The following ILRUN variants were observed in gnomAD, a reference collection of about 807,000 sequenced individuals.
ILRUN encodes the protein protein ILRUN.
Under a neutral mutation model 33.8 loss-of-function variants are expected in ILRUN, and 3 were observed. The observed-to-expected ratio is 0.09, with a 90% confidence interval of 0.04 to 0.23. The LOEUF (loss-of-function observed/expected upper bound fraction) is 0.23, where lower values mean the gene tolerates loss of function less well. Among genes scored for constraint, ILRUN ranks in the 10% least tolerant of loss-of-function variants. The pLI is 1.00. For missense variants in ILRUN, 210 were observed against 375.1 expected, an observed-to-expected ratio of 0.56 and a Z score of 3.64; for synonymous variants, 124 against 138.9, an observed-to-expected ratio of 0.89 and a Z score of 0.75.
chr6:34,621,300 A>G lies in ILRUN; in HGVS notation c.512-14396T>C, dbSNP rs116831660. Among the ~76,000 whole-genome samples the G allele has an allele frequency of 2.1e-3, 314 of 152,344 alleles. 2 individuals are homozygous for G. The highest frequency in any genetic ancestry group is 7.1e-3 in the African/African-American group (297 of 41,580). The stretch of plus-strand genomic sequence containing the variant: ...CAAGATAAGTCACTGTTGATGAACA[A>G]AAGGATTCCCCCACTTCAAAAGAAT... On this transcript the variant is annotated intron_variant, in intron 3 of 4. Coordinates refer to ENST00000374023, the MANE Select transcript of ILRUN (RefSeq NM_024294.4).
At position 34,638,654 on chromosome 6, in the gene ILRUN, G is replaced by A. The variant is rs1182406216; in HGVS notation, c.511+7947C>T. On this transcript the variant is annotated intron_variant, in intron 3 of 4. Coordinates refer to ENST00000374023, the MANE Select transcript of ILRUN (RefSeq NM_024294.4). ...TAGGAGGTTGAGGCTGTAGTGAGCC[G>A]TGATCACACCACTGCATTCCAGCCT... is the stretch of plus-strand genomic sequence containing the variant. 6.6e-5 allele frequency among the ~76,000 whole-genome samples: 10 copies of A among 151,950 alleles called. No homozygotes were observed. In the South Asian group the frequency reaches 8.3e-4, roughly 13 times the overall value.
chr6:34,626,291 C>T (rs903576819), intron 3 of ILRUN, among the ~76,000 whole-genome samples: 3 of 152,148 alleles, frequency 2.0e-5, no homozygotes, highest in Non-Finnish European at 2.9e-5. Flanking sequence ...CCCACATTTG[C>T]CCGCAAAGTA....
intron 1 of ILRUN, among the ~76,000 whole-genome samples, chr6:34,676,035 A>G (rs941205085): frequency 2.6e-5 from 4 of 152,206 alleles, no homozygotes; most frequent in African/African-American, 9.7e-5. Flanking sequence ...CATCCAATGC[A>G]TCCAGTCAAA....
At chr6:34,688,727 C>T (rs1327935801) in intron 1 of ILRUN, among the ~76,000 whole-genome samples, 1 of 152,010 alleles carries the variant, frequency 6.6e-6, no homozygotes, top group Non-Finnish European at 1.5e-5. Context: ...GTAGGAGAAT[C>T]GCTTGAATCC....
At chr6:34,635,569 G>A (rs6923682) in intron 3 of ILRUN, among the ~76,000 whole-genome samples, 20,501 of 110,102 alleles carry the variant, frequency 0.19, 2,237 homozygotes, top group African/African-American at 0.31. Flanking sequence ...GGAAGGAAGG[G>A]AGGGAGGGAG....
chr6:34,655,333 T>C (rs1008177531), intron 1 of ILRUN, among the ~76,000 whole-genome samples: 1 of 152,150 alleles, frequency 6.6e-6, no homozygotes, highest in African/African-American at 2.4e-5. Flanking sequence ...GAAAATCATG[T>C]TCTCTTTTTT....
chr6:34,595,993 G>A (rs1761392085), intron 4 of ILRUN: 1 of 911,570 alleles, frequency 1.1e-6, no homozygotes, highest in South Asian at 5.1e-5. Context: ...ACTAAGTCCT[G>A]TCCTGATTTA....
chr6:34,654,573 C>T, intron 2 of ILRUN, 52 bp downstream of exon 2: 2 of 1,527,290 alleles, frequency 1.3e-6, no homozygotes, highest in South Asian at 1.2e-5. Context: ...TCTTATTTAA[C>T]TATTAAGAAA....
At chr6:34,643,879 T>G (rs1406412648) in intron 3 of ILRUN, among the ~76,000 whole-genome samples, 1 of 152,176 alleles carries the variant, frequency 6.6e-6, no homozygotes, top group Non-Finnish European at 1.5e-5. Flanking sequence ...TTTTTGTATT[T>G]TTAGTAGAGA....
At chr6:34,619,699 GA>G (rs1228124339) in intron 3 of ILRUN, among the ~76,000 whole-genome samples, 1 of 151,990 alleles carries the variant, frequency 6.6e-6, no homozygotes, top group Non-Finnish European at 1.5e-5. Context: ...CATATTAAGT[GA>G]AAAAAAGTGG....
chr6:34,668,525 C>T (rs572085614), intron 1 of ILRUN, among the ~76,000 whole-genome samples: 4 of 152,114 alleles, frequency 2.6e-5, no homozygotes, highest in Non-Finnish European at 4.4e-5. Context: ...TTTCTTGTTA[C>T]GTGGTGCCAC....
At chr6:34,683,513 T>TATATAC (rs1562033363) in intron 1 of ILRUN, among the ~76,000 whole-genome samples, 26 of 103,030 alleles carry the variant, frequency 2.5e-4, no homozygotes, top group African/African-American at 9.1e-4. Flanking sequence ...TATATATATA[T>TATATAC]ACATATATAT....
chr6:34,684,363 A>C (rs2127387340), intron 1 of ILRUN, among the ~76,000 whole-genome samples: 1 of 152,348 alleles, frequency 6.6e-6, no homozygotes, highest in South Asian at 2.1e-4. Flanking sequence ...TTTTTCCTCA[A>C]TGGAAACACA....
At chr6:34,643,415 C>G (rs892217161) in intron 3 of ILRUN, among the ~76,000 whole-genome samples, 1 of 152,100 alleles carries the variant, frequency 6.6e-6, no homozygotes, top group African/African-American at 2.4e-5. Context: ...TTCCTCTCAT[C>G]AAGCAAAGGC....
chr6:34,623,650 A>C (rs1276530443), intron 3 of ILRUN, among the ~76,000 whole-genome samples: 1 of 152,224 alleles, frequency 6.6e-6, no homozygotes, highest in Non-Finnish European at 1.5e-5. Flanking sequence ...GATATGCAGG[A>C]AATCAAAATG....
chr6:34,615,323 T>C (rs1761862625), intron 3 of ILRUN, among the ~76,000 whole-genome samples: 1 of 152,174 alleles, frequency 6.6e-6, no homozygotes, highest in Non-Finnish European at 1.5e-5. Flanking sequence ...AGGCCAGGCA[T>C]GGTGGCTCAC....
In ILRUN at chr6:34,682,021, C is replaced by CTTTTTTTTTTTTTTTTTTT. The variant is rs1377020252; in HGVS notation, c.158+14424_158+14425insAAAAAAAAAAAAAAAAAAA. On this transcript the variant is annotated intron_variant, in intron 1 of 4. Transcript: ENST00000374023. ...TGCATGCCACCACACCCCACTAATTCTTATATTTTTATTTTTTTACTTTTT... is the reference window on the plus strand; with the variant it reads ...TGCATGCCACCACACCCCACTAATTCTTTTTTTTTTTTTTTTTTTTTATATTTTTATTTTTTTACTTTTT... Among the ~76,000 whole-genome samples, 10 of 130,016 alleles carry CTTTTTTTTTTTTTTTTTTT rather than the reference C, an allele frequency of 7.7e-5. 2 individuals are homozygous for CTTTTTTTTTTTTTTTTTTT. The highest frequency in any genetic ancestry group is 2.4e-4 in the African/African-American group (8 of 33,648). The allele number at this position is 130,016 out of a possible 152,430, so 85.3% of individuals were successfully genotyped here.
chr6:34,591,820 G>A (rs74929281), intron 4 of ILRUN, among the ~76,000 whole-genome samples: 3,559 of 152,208 alleles, frequency 0.023, 76 homozygotes, highest in Non-Finnish European at 0.035. Flanking sequence ...AAAAAATCAC[G>A]TGGTAAGAGG....
At chr6:34,618,403 T>G (rs1157245366) in intron 3 of ILRUN, among the ~76,000 whole-genome samples, 1 of 152,228 alleles carries the variant, frequency 6.6e-6, no homozygotes, top group Admixed American at 6.5e-5. Flanking sequence ...TAAACTGCCC[T>G]TGCTTCATGT....
Sources: gnomAD v4.1 joint callset for allele counts (sites outside exome capture counted in the v4.1 genomes callset) on GRCh38, gnomAD v4.1.1 for gene constraint, MANE v1.5 for transcripts, NCBI Gene and HGNC (gene_info 2026-07-23, HGNC 2026-07-21) for gene names.